The following ADAMTS18 variants were observed in gnomAD, a reference collection of about 807,000 sequenced individuals.
ADAMTS18 encodes the protein A disintegrin and metalloproteinase with thrombospondin motifs 18.
In ADAMTS18, 157 loss-of-function variants were observed where a neutral mutation model predicts 165.9. The ratio of observed to expected loss-of-function variants is 0.95; its 90% CI spans 0.83 to 1.08. The LOEUF is 1.08. Ranked by LOEUF, ADAMTS18 falls within the 50% of genes least tolerant of loss-of-function variation. ADAMTS18 has a pLI of 0.00. For missense variants in ADAMTS18, 2,040 were observed against 1,534.0 expected (o/e 1.33, Z -5.51); for synonymous variants, 782 against 578.2 (o/e 1.35, Z -5.06).
intron 12 of ADAMTS18, among the ~76,000 whole-genome samples, chr16:77,330,176 T>A (rs114083760): frequency 0.011 from 1,642 of 152,292 alleles, 30 homozygotes; most frequent in African/African-American, 0.037. Context: ...GATTCAATTA[T>A]TCTTCTGGGG....
Position 77,434,442 on chromosome 16 carries a change from T to G in ADAMTS18, c.154A>C (p.Ser52Arg), listed in dbSNP as rs1251758338. ...CCATCATTTAATCCGCTGGCGCCGC[T>G]GCTGCTGTCACTGGCTAAGGCCGCG... ...VAAALASDSS[S>R]GASGLNDDYV... Residue 52 changes from serine (S) to arginine (R), a missense_variant, in exon 2 of 23, where the codon AGC (serine) becomes CGC (arginine). Ser to Arg is a moderately radical substitution (Grantham distance 110). Coordinates refer to ENST00000282849, the MANE Select transcript of ADAMTS18 (RefSeq NM_199355.4). 1 of 1,573,916 alleles carries G rather than the reference T, an allele frequency of 6.4e-7. No homozygotes were observed. The highest frequency in any genetic ancestry group is 1.3e-5 in the African/African-American group (1 of 74,552).
chr16:77,431,280 C>A lies in ADAMTS18; in HGVS notation c.495+15G>T. The A allele has an allele frequency of 6.2e-7, 1 of 1,614,080 alleles. No homozygotes were observed. The highest frequency in any genetic ancestry group is 8.5e-7 in the Non-Finnish European group (1 of 1,179,978). ...CACGAAAGAGGGAGCTCAACTCAGACTGGGGTGTACTTACCAAGCCAGCAC... is the reference window on the plus strand; with the variant it reads ...CACGAAAGAGGGAGCTCAACTCAGAATGGGGTGTACTTACCAAGCCAGCAC... On this transcript the variant is annotated intron_variant, in intron 3 of 22. Transcript: ENST00000282849.
chr16:77,434,595 G>A lies in ADAMTS18; in HGVS notation c.90+11C>T. On this transcript the variant is annotated intron_variant, in intron 1 of 22. Transcript: ENST00000282849. ...CCACCCGCTCTCGGAGCTCCGCTCG[G>A]CGGCACCTGCCTTGGCCACGCGCCC... 65 of 1,526,874 alleles carry A rather than the reference G, an allele frequency of 4.3e-5. No individual in the cohort carries two copies. Among genetic ancestry groups the A allele is most frequent in the Non-Finnish European group, 5.6e-5 (64 of 1,142,228 alleles). 94.6% of individuals were successfully genotyped at this position (1,526,874 alleles called of 1,614,324 possible).
chr16:77,322,589 G>A (rs1292518726), intron 13 of ADAMTS18, 123 bp from the exon 14 acceptor site: 1 of 1,247,154 alleles, frequency 8.0e-7, no homozygotes, highest in Non-Finnish European at 1.1e-6. Flanking sequence ...GAAAATGTGT[G>A]TGTTTGCACA....
At chr16:77,344,581 C>T (rs2056447997) in intron 10 of ADAMTS18, among the ~76,000 whole-genome samples, 1 of 152,090 alleles carries the variant, frequency 6.6e-6, no homozygotes, top group South Asian at 2.1e-4. Context: ...TTTCTTCTTA[C>T]AGCCAGGAAA....
chr16:77,363,979 AT>A, intron 5 of ADAMTS18, 94 bp from the exon 6 acceptor site: 1 of 1,311,770 alleles, frequency 7.6e-7, no homozygotes, highest in Non-Finnish European at 1.1e-6. Context: ...GCAGGCTTTA[AT>A]TTTACCAAAT....
chr16:77,361,947 A>T (rs955831124), intron 7 of ADAMTS18, among the ~76,000 whole-genome samples, 158 bp downstream of exon 7: 2 of 152,252 alleles, frequency 1.3e-5, no homozygotes. Flanking sequence ...GTTCAGTTAA[A>T]AAGAACAATA....
chr16:77,403,730 A>T (rs886834536), intron 3 of ADAMTS18, among the ~76,000 whole-genome samples: 6 of 152,206 alleles, frequency 3.9e-5, no homozygotes, highest in Non-Finnish European at 7.3e-5. Context: ...GAATATTCAT[A>T]TACATCAGAG....
chr16:77,331,502 T>G (rs1319808383), intron 12 of ADAMTS18, among the ~76,000 whole-genome samples: 1 of 152,178 alleles, frequency 6.6e-6, no homozygotes, highest in Non-Finnish European at 1.5e-5. Flanking sequence ...ATACTGTTAT[T>G]AAAACAATAA....
chr16:77,290,981 T>TAAGACTCGAGTGGTAGTTTCCGTAGCAAC (rs2055351008), intron 21 of ADAMTS18: 33 of 481,062 alleles, frequency 6.9e-5, no homozygotes, highest in Admixed American at 2.0e-4. Context: ...TGACCAACAT[T>TAAGACTCGAGTGGTAGTTTCCGTAGCAAC]AGCAGTGTAT....
intron 3 of ADAMTS18, among the ~76,000 whole-genome samples, chr16:77,413,822 C>T (rs1441414196): frequency 1.1e-5 from 1 of 92,024 alleles, no homozygotes; most frequent in Admixed American, 9.9e-5. Flanking sequence ...AAAAAAAAAG[C>T]AAAAGTTAAT....
intron 10 of ADAMTS18, among the ~76,000 whole-genome samples, chr16:77,346,230 C>T (rs963227740): frequency 9.9e-5 from 15 of 152,156 alleles, no homozygotes; most frequent in Non-Finnish European, 7.4e-5. Context: ...GCACTTGTGG[C>T]TTCATTTACA....
At position 77,335,739 on chromosome 16, in the gene ADAMTS18, T is replaced by G; in HGVS notation, c.1859+17A>C. ...GGTTAAGGCCTTGCAAAGACTAACT[T>G]TCTGCTGGAGGCTTACTTGGGGTTA... On this transcript the variant is annotated intron_variant, in intron 12 of 22. Transcript: ENST00000282849. 1.9e-6 allele frequency: 3 copies of G among 1,614,208 alleles called. No homozygotes were observed. The highest frequency in any genetic ancestry group is 2.5e-6 in the Non-Finnish European group (3 of 1,180,014).
chr16:77,397,015 G>T (rs899148264), intron 3 of ADAMTS18, among the ~76,000 whole-genome samples: 3 of 152,034 alleles, frequency 2.0e-5, no homozygotes, highest in Admixed American at 2.0e-4. Flanking sequence ...CACCATGTTG[G>T]CCAGGCTGGT....
chr16:77,307,871 A>G (rs1469489140), intron 16 of ADAMTS18, among the ~76,000 whole-genome samples: 2 of 152,146 alleles, frequency 1.3e-5, no homozygotes, highest in Non-Finnish European at 2.9e-5. Context: ...GCTGGATGAC[A>G]AGGTAATACT....
At chr16:77,286,407 C>CTGTT (rs763874475) in intron 22 of ADAMTS18, among the ~76,000 whole-genome samples, 4 of 152,108 alleles carry the variant, frequency 2.6e-5, no homozygotes, top group Non-Finnish European at 5.9e-5. Context: ...GGAGCCGTGC[C>CTGTT]TGTTTATTTT....
At position 77,297,308 on chromosome 16, in the gene ADAMTS18, C is replaced by A; in HGVS notation, c.2782G>T (p.Ala928Ser). 6.2e-7 allele frequency: 1 copy of A among 1,614,148 alleles called. No homozygotes were observed. The highest frequency in any genetic ancestry group is 1.1e-5 in the South Asian group (1 of 91,080). Residue 928 changes from alanine (A) to serine (S), a missense_variant, in exon 18 of 23, where the codon GCT (alanine) becomes TCT (serine). Ala to Ser is a moderately conservative substitution (Grantham distance 99, BLOSUM62 1). Transcript: ENST00000282849. The stretch of plus-strand genomic sequence containing the variant: ...ACTTACTAAGCCGGGCAGGAGAAAG[C>A]GTTGCAGATTTTGGGCTCAGTTACT... ...KPVTEPKICN[A>S]FSCPAYWMPG...
chr16:77,351,707 C>A (rs1299933735), intron 10 of ADAMTS18, among the ~76,000 whole-genome samples: 1 of 152,076 alleles, frequency 6.6e-6, no homozygotes, highest in Non-Finnish European at 1.5e-5. Context: ...ATCAACTTAA[C>A]AGGAAAATAG....
intron 3 of ADAMTS18, among the ~76,000 whole-genome samples, chr16:77,387,749 G>C (rs1567533037): frequency 6.6e-6 from 1 of 152,162 alleles, no homozygotes. Context: ...CCATAGCTAA[G>C]ATAACATGTG....
Sources: gnomAD v4.1 joint callset for allele counts (sites outside exome capture counted in the v4.1 genomes callset) on GRCh38, gnomAD v4.1.1 for gene constraint, MANE v1.5 for transcripts, NCBI Gene and HGNC (gene_info 2026-07-23, HGNC 2026-07-21) for gene names.